MED27: variants seen among roughly 807,000 people sequenced by gnomAD.
MED27 encodes the protein mediator complex subunit 27, also known as mediator of RNA polymerase II transcription subunit 27.
A neutral mutation model predicts 38.2 loss-of-function variants in MED27; 30 were observed. The ratio of observed to expected loss-of-function variants is 0.79; its 90% CI spans 0.59 to 1.07. MED27 has a LOEUF of 1.07. Ranked by LOEUF, MED27 falls within the 50% of genes least tolerant of loss-of-function variation. MED27 has a pLI of 0.00. For synonymous variants in MED27, 122 were observed against 153.5 expected, an observed-to-expected ratio of 0.79 and a Z score of 1.52; for missense variants, 289 against 397.5, an observed-to-expected ratio of 0.73 and a Z score of 2.32.
intron 5 of MED27, among the ~76,000 whole-genome samples, chr9:131,885,003 C>A (rs1189740529): frequency 2.6e-5 from 4 of 152,172 alleles, no homozygotes; most frequent in Non-Finnish European, 5.9e-5. Flanking sequence ...CTGACTTGCC[C>A]ACAGGATGGA....
intron 4 of MED27, among the ~76,000 whole-genome samples, chr9:131,921,875 G>A (rs1830397715): frequency 6.6e-6 from 1 of 152,148 alleles, no homozygotes; most frequent in African/African-American, 2.4e-5. Context: ...CCTTTGTAGG[G>A]ACATGGATGA....
intron 5 of MED27, among the ~76,000 whole-genome samples, chr9:131,888,694 A>G (rs1252546254): frequency 1.3e-5 from 2 of 152,214 alleles, no homozygotes; most frequent in Non-Finnish European, 2.9e-5. Flanking sequence ...CAAGGTGAAC[A>G]GGTGATAGGC....
At chr9:131,939,289 T>C (rs1387083238) in intron 4 of MED27, 92 bp downstream of exon 4, 1 of 678,114 alleles carries the variant, frequency 1.5e-6, no homozygotes, top group Non-Finnish European at 2.3e-6. Context: ...TTAATCCCCA[T>C]TCTCTAGATC....
At chr9:131,882,899 C>T (rs1194883282) in intron 6 of MED27, among the ~76,000 whole-genome samples, 1 of 151,686 alleles carries the variant, frequency 6.6e-6, no homozygotes, top group Non-Finnish European at 1.5e-5. Context: ...AGCAAAGGGG[C>T]TCAGTGGATA....
chr9:132,040,184 A>G (rs1833176521), intron 2 of MED27, among the ~76,000 whole-genome samples: 1 of 152,356 alleles, frequency 6.6e-6, no homozygotes, highest in Admixed American at 6.5e-5. Context: ...CAGTCCCCGC[A>G]TATGGGCTGC....
chr9:132,010,857 G>A (rs1832472023), intron 3 of MED27, among the ~76,000 whole-genome samples: 1 of 152,026 alleles, frequency 6.6e-6, no homozygotes, highest in African/African-American at 2.4e-5. Flanking sequence ...ACAGGAGGGG[G>A]AACATCACAC....
chr9:132,036,587 A>G lies in MED27; in HGVS notation c.349-22120T>C, dbSNP rs11243604. ...TCTTAAGAAGAGCTGAGAAAAGAGC[A>G]TGGCTCTACCACTTACCACCTGGAT... On this transcript the variant is annotated intron_variant, in intron 2 of 7. Coordinates refer to ENST00000292035, the MANE Select transcript of MED27 (RefSeq NM_004269.4). 6.1e-3 allele frequency among the ~76,000 whole-genome samples: 924 copies of G among 152,330 alleles called. 6 individuals are homozygous for G. Among genetic ancestry groups the G allele is most frequent in the African/African-American group, 0.021 (882 of 41,572 alleles).
At chr9:132,026,071 C>G (rs1832811277) in intron 2 of MED27, among the ~76,000 whole-genome samples, 1 of 152,204 alleles carries the variant, frequency 6.6e-6, no homozygotes, top group Non-Finnish European at 1.5e-5. Context: ...GTTCCCTACT[C>G]CAACTCCAAT....
At chr9:131,893,487 G>C (rs1390664750) in intron 5 of MED27, among the ~76,000 whole-genome samples, 3 of 152,206 alleles carry the variant, frequency 2.0e-5, no homozygotes, top group Non-Finnish European at 4.4e-5. Flanking sequence ...TGGAAAAAGA[G>C]TGTCATCAGG....
chr9:132,011,383 G>A (rs536622671), intron 3 of MED27, among the ~76,000 whole-genome samples: 16 of 151,976 alleles, frequency 1.1e-4, no homozygotes, highest in Non-Finnish European at 2.1e-4. Flanking sequence ...TCTACATTAT[G>A]TATATACTAT....
At chr9:131,921,032 G>A (rs1412364393) in intron 4 of MED27, among the ~76,000 whole-genome samples, 1 of 152,184 alleles carries the variant, frequency 6.6e-6, no homozygotes, top group Admixed American at 6.5e-5. Flanking sequence ...TGGCGGCATT[G>A]CGGAGAGTAG....
At chr9:131,968,842 T>G (rs76871129) in intron 3 of MED27, among the ~76,000 whole-genome samples, 1 of 152,138 alleles carries the variant, frequency 6.6e-6, no homozygotes, top group South Asian at 2.1e-4. Context: ...TCGCTCCTTA[T>G]TGCTCACATT....
chr9:132,062,457 A>G (rs1833716888), intron 2 of MED27, among the ~76,000 whole-genome samples: 1 of 152,244 alleles, frequency 6.6e-6, no homozygotes, highest in Admixed American at 6.5e-5. Context: ...TGAACATGGC[A>G]ACAGCTCAGG....
intron 3 of MED27, among the ~76,000 whole-genome samples, chr9:131,965,447 CA>C (rs1269777909): frequency 6.6e-6 from 1 of 152,240 alleles, no homozygotes; most frequent in Non-Finnish European, 1.5e-5. Flanking sequence ...GTACTCAGCA[CA>C]GTGGGAACCT....
rs527314880 is a variant in MED27 at position 132,079,499 on chromosome 9, G to A, written c.203+143C>T. The A allele has an allele frequency of 9.4e-6, 7 of 741,146 alleles. No homozygotes were observed. The South Asian group carries it at 1.2e-4, about 13-fold the overall frequency. The allele number at this position is 741,146 out of a possible 1,614,324, so 45.9% of individuals were successfully genotyped here. A position where few individuals can be genotyped will look rare whatever the true frequency, so the allele number is the denominator to read the frequency against. On this transcript the variant is annotated intron_variant, in intron 1 of 7. Transcript: ENST00000292035. ...GTGTTAAGATGTCCCTGAGGGACAG[G>A]CAGAGGCTTGGAGAACAAGAAGAGA...
chr9:131,884,029 T>C (rs1839093892), intron 6 of MED27, 29 bp downstream of exon 6: 1 of 1,601,132 alleles, frequency 6.2e-7, no homozygotes, highest in South Asian at 1.1e-5. Flanking sequence ...CTAATGCCGC[T>C]TGAGTAAGAA....
At chr9:131,931,138 G>A (rs903826223) in intron 4 of MED27, among the ~76,000 whole-genome samples, 40 of 152,138 alleles carry the variant, frequency 2.6e-4, no homozygotes, top group Non-Finnish European at 2.5e-4. Context: ...CCAGCTACTC[G>A]GGAGGCTGAG....
intron 2 of MED27, among the ~76,000 whole-genome samples, chr9:132,034,208 A>T (rs1564333482): frequency 6.6e-6 from 1 of 152,208 alleles, no homozygotes; most frequent in Non-Finnish European, 1.5e-5. Context: ...AAGGCATAAC[A>T]TATCATTAGG....
intron 4 of MED27, among the ~76,000 whole-genome samples, chr9:131,921,055 G>C (rs778555517): frequency 1.8e-4 from 27 of 152,196 alleles, no homozygotes; most frequent in Admixed American, 9.2e-4. Flanking sequence ...GCAACAGTCA[G>C]ATTCTGGGCC....
Sources: gnomAD v4.1 joint callset for allele counts (sites outside exome capture counted in the v4.1 genomes callset) on GRCh38, gnomAD v4.1.1 for gene constraint, MANE v1.5 for transcripts, NCBI Gene and HGNC (gene_info 2026-07-23, HGNC 2026-07-21) for gene names.